Variants in KIF21A observed in about 807,000 individuals in gnomAD.
The protein encoded by KIF21A is kinesin-like protein KIF21A.
In KIF21A, 114 loss-of-function variants were observed where a neutral mutation model predicts 202.9. That is an observed-to-expected ratio of 0.56 (90% CI 0.48 to 0.66). KIF21A has a LOEUF of 0.66. Ranked by LOEUF, KIF21A falls within the 30% of genes least tolerant of loss-of-function variation. KIF21A has a pLI of 0.00. For synonymous variants in KIF21A, 667 were observed against 670.8 expected (o/e 0.99, Z 0.09); for missense variants, 1,677 against 1,994.9 (o/e 0.84, Z 3.04).
intron 34 of KIF21A, among the ~76,000 whole-genome samples, chr12:39,307,318 G>A (rs959968657): frequency 6.6e-6 from 1 of 151,998 alleles, no homozygotes; most frequent in African/African-American, 2.4e-5. Context: ...AAATTGTAAT[G>A]TTTCAATTTT....
intron 1 of KIF21A, among the ~76,000 whole-genome samples, chr12:39,402,648 T>C (rs753037229): frequency 6.6e-6 from 1 of 152,208 alleles, no homozygotes; most frequent in Non-Finnish European, 1.5e-5. Context: ...ATATCAAACT[T>C]GTCCAACCTG....
At chr12:39,429,902 A>G (rs1955050625) in intron 1 of KIF21A, among the ~76,000 whole-genome samples, 1 of 152,174 alleles carries the variant, frequency 6.6e-6, no homozygotes, top group South Asian at 2.1e-4. Flanking sequence ...AGAATCTAAC[A>G]TCTCACAAAC....
chr12:39,388,180 A>G (rs1333781777), intron 1 of KIF21A, among the ~76,000 whole-genome samples: 1 of 152,180 alleles, frequency 6.6e-6, no homozygotes, highest in African/African-American at 2.4e-5. Flanking sequence ...AATACCCTCC[A>G]TGGCGGGGAC....
intron 1 of KIF21A, among the ~76,000 whole-genome samples, chr12:39,394,411 C>T (rs1951585744): frequency 1.3e-5 from 2 of 152,198 alleles, no homozygotes; most frequent in African/African-American, 2.4e-5. Flanking sequence ...ATAAATAAAA[C>T]ATTGGCTTGC....
intron 1 of KIF21A, among the ~76,000 whole-genome samples, chr12:39,375,298 A>G (rs1228047317): frequency 6.6e-6 from 1 of 152,198 alleles, no homozygotes; most frequent in Non-Finnish European, 1.5e-5. Flanking sequence ...CATGAAACTT[A>G]GCAAAACTGA....
At chr12:39,298,777 C>T (rs1312082633) in intron 37 of KIF21A, among the ~76,000 whole-genome samples, 1 of 151,684 alleles carries the variant, frequency 6.6e-6, no homozygotes, top group Non-Finnish European at 1.5e-5. Context: ...AAAATGAGAC[C>T]AGTAATTATG....
intron 17 of KIF21A, among the ~76,000 whole-genome samples, chr12:39,334,892 C>T (rs913339199): frequency 6.6e-6 from 1 of 152,056 alleles, no homozygotes; most frequent in African/African-American, 2.4e-5. Flanking sequence ...TCTCCCTTAT[C>T]TTATATGAAT....
At chr12:39,296,112 A>C (rs1228981044) in intron 37 of KIF21A, among the ~76,000 whole-genome samples, 1 of 134,602 alleles carries the variant, frequency 7.4e-6, no homozygotes, top group Non-Finnish European at 1.5e-5. Flanking sequence ...TCTGTGGCCC[A>C]GGCTGGAGTG....
At chr12:39,441,463 C>A (rs1234120743) in intron 1 of KIF21A, among the ~76,000 whole-genome samples, 1 of 151,588 alleles carries the variant, frequency 6.6e-6, no homozygotes, top group Non-Finnish European at 1.5e-5. Context: ...TTTTTCCTTC[C>A]CCTTTCTCCA....
intron 24 of KIF21A, among the ~76,000 whole-genome samples, chr12:39,327,605 G>T (rs1484650876): frequency 1.3e-5 from 2 of 152,152 alleles, no homozygotes; most frequent in South Asian, 2.1e-4. Context: ...CAAGTGCTTC[G>T]TAAAAAGCTC....
intron 34 of KIF21A, among the ~76,000 whole-genome samples, chr12:39,305,759 A>G (rs1943411229): frequency 6.6e-6 from 1 of 152,242 alleles, no homozygotes; most frequent in Non-Finnish European, 1.5e-5. Flanking sequence ...TGAATATGTG[A>G]TAGGCATAGG....
At chr12:39,439,604 A>T (rs1202076033) in intron 1 of KIF21A, among the ~76,000 whole-genome samples, 1 of 152,194 alleles carries the variant, frequency 6.6e-6, no homozygotes, top group African/African-American at 2.4e-5. Context: ...ACCAGTTTTT[A>T]AATTTAAATT....
chr12:39,412,617 G>A (rs1953198774), intron 1 of KIF21A, among the ~76,000 whole-genome samples: 1 of 152,116 alleles, frequency 6.6e-6, no homozygotes, highest in Non-Finnish European at 1.5e-5. Context: ...TCAGAAGACT[G>A]AGGGGTGGGA....
intron 9 of KIF21A, 118 bp downstream of exon 9, chr12:39,357,130 A>G: frequency 1.2e-6 from 1 of 860,700 alleles, no homozygotes; most frequent in Non-Finnish European, 1.9e-6. Context: ...AAAACCACAG[A>G]CTGTATACAC....
chr12:39,301,362 C>A, intron 37 of KIF21A, 118 bp downstream of exon 37: 1 of 893,230 alleles, frequency 1.1e-6, no homozygotes, highest in East Asian at 2.6e-5. Context: ...TTAAAACAGA[C>A]ATTAGAATGA....
At position 39,326,285 on chromosome 12, in the gene KIF21A, T is replaced by C. The variant is rs887878200; in HGVS notation, c.3380A>G (p.Asn1127Ser). The change falls in exon 25 of 38, where the codon AAC becomes AGC. Residue 1127 changes from asparagine (N) to serine (S), a missense_variant. Asn to Ser is a conservative substitution (Grantham distance 46). Transcript: ENST00000361418. ...TTACCTTCCTTCTGATCCTGGGCTG[T>C]TTAAAGGAGCATCCTCATCAGTACT... is the stretch of plus-strand genomic sequence containing the variant. Reference protein sequence around the residue: ...EDSTDEDAPLNSPGSEGSTLS... With the variant: ...EDSTDEDAPLSSPGSEGSTLS... The C allele has an allele frequency of 6.2e-7, 1 of 1,612,162 alleles. No individual in the cohort carries two copies. Among genetic ancestry groups the C allele is most frequent in the African/African-American group, 1.3e-5 (1 of 74,882 alleles).
rs562074203 is a variant in KIF21A at position 39,333,147 on chromosome 12, T to C, written c.2488-40A>G. 6.2e-6 allele frequency: 10 copies of C among 1,604,822 alleles called. 1 individual carries two copies. The highest frequency in any genetic ancestry group is 4.4e-5 in the South Asian group (4 of 90,884). ...AAGGTTGACTCATTCTCTTAGTCTA[T>C]AGAAATACATCATTTATCTCAAAGT... On this transcript the variant is annotated intron_variant, in intron 18 of 37. Coordinates refer to ENST00000361418, the MANE Select transcript of KIF21A (RefSeq NM_001173464.2).
At position 39,435,135 on chromosome 12, in the gene KIF21A, A is replaced by G. The variant is rs373105465; in HGVS notation, c.44+7792T>C. ...TTTAGCCTCTGGGTGGGTCCATTCCATAACTAAGTTTGAACATTTTTCTTG... is the reference window on the plus strand; with the variant it reads ...TTTAGCCTCTGGGTGGGTCCATTCCGTAACTAAGTTTGAACATTTTTCTTG... On this transcript the variant is annotated intron_variant, in intron 1 of 37. Transcript: ENST00000361418. Among the ~76,000 whole-genome samples the G allele has an allele frequency of 1.9e-4, 29 of 152,308 alleles. No homozygotes were observed. In the South Asian group the frequency reaches 5.8e-3, roughly 30 times the overall value.
intron 16 of KIF21A, among the ~76,000 whole-genome samples, chr12:39,338,111 T>A (rs1203064561): frequency 6.6e-6 from 1 of 152,198 alleles, no homozygotes; most frequent in East Asian, 1.9e-4. Context: ...GACAGCTCCA[T>A]GTGTGTTAAT....
Sources: allele counts gnomAD v4.1 joint callset (sites outside exome capture counted in the v4.1 genomes callset), GRCh38; gene constraint gnomAD v4.1.1; transcripts MANE v1.5; gene names NCBI Gene and HGNC (gene_info 2026-07-23, HGNC 2026-07-21).